The following DSCAM variants were observed in gnomAD, a reference collection of about 807,000 sequenced individuals.
The protein encoded by DSCAM is cell adhesion molecule DSCAM.
DSCAM carries 47 observed loss-of-function variants against 217.7 expected under a neutral mutation model. The observed-to-expected ratio is 0.22, with a 90% CI of 0.17 to 0.28. The LOEUF (loss-of-function observed/expected upper bound fraction) is 0.28. Among genes scored for constraint, DSCAM ranks in the 10% least tolerant of loss-of-function variants. The pLI is 1.00. For missense variants in DSCAM, 2,080 were observed against 2,618.3 expected (o/e 0.79, Z 4.49); for synonymous variants, 1,056 against 1,015.3 (o/e 1.04, Z -0.76).
chr21:40,796,178 C>T (rs112127745), intron 1 of DSCAM, among the ~76,000 whole-genome samples: 13 of 152,310 alleles, frequency 8.5e-5, no homozygotes, highest in African/African-American at 3.1e-4. Flanking sequence ...ACGCTGTGTG[C>T]AGAAGGAGTC....
chr21:40,818,110 A>G (rs905735453), intron 1 of DSCAM, among the ~76,000 whole-genome samples: 1 of 147,138 alleles, frequency 6.8e-6, no homozygotes, highest in Non-Finnish European at 1.5e-5. Context: ...CTCAAAAAAA[A>G]AAAAAAAAAA....
At chr21:40,683,018 A>G (rs1018396012) in intron 3 of DSCAM, among the ~76,000 whole-genome samples, 2 of 152,212 alleles carry the variant, frequency 1.3e-5, no homozygotes, top group Non-Finnish European at 2.9e-5. Context: ...AAAGTCAGTC[A>G]TGTAAGGACA....
At chr21:40,307,862 T>C (rs1206958881) in intron 9 of DSCAM, among the ~76,000 whole-genome samples, 1 of 147,488 alleles carries the variant, frequency 6.8e-6, no homozygotes, top group Non-Finnish European at 1.5e-5. Flanking sequence ...ATATTCTTAC[T>C]CATGGGTGGG....
At chr21:40,826,865 C>T (rs1270609347) in intron 1 of DSCAM, among the ~76,000 whole-genome samples, 1 of 152,106 alleles carries the variant, frequency 6.6e-6, no homozygotes, top group Non-Finnish European at 1.5e-5. Context: ...ATTTCAGGAT[C>T]TGGATTTGAG....
chr21:40,226,187 C>T (rs2091331375), intron 11 of DSCAM, among the ~76,000 whole-genome samples: 2 of 152,166 alleles, frequency 1.3e-5, no homozygotes, highest in Non-Finnish European at 1.5e-5. Flanking sequence ...CCCTCAGAAC[C>T]TGTGCTCTTG....
chr21:40,284,726 C>A (rs2073804058), intron 10 of DSCAM, among the ~76,000 whole-genome samples: 1 of 152,200 alleles, frequency 6.6e-6, no homozygotes, highest in African/African-American at 2.4e-5. Flanking sequence ...AAGGGCCGCG[C>A]AGTTTGTCCA....
intron 1 of DSCAM, among the ~76,000 whole-genome samples, chr21:40,724,168 C>T (rs1053886099): frequency 4.6e-5 from 7 of 152,302 alleles, no homozygotes; most frequent in Non-Finnish European, 7.4e-5. Context: ...TGGTTTACTA[C>T]GTTCCGGCAT....
At chr21:40,690,936 T>C (rs1238893459) in intron 3 of DSCAM, among the ~76,000 whole-genome samples, 2 of 151,834 alleles carry the variant, frequency 1.3e-5, no homozygotes, top group Non-Finnish European at 2.9e-5. Context: ...TACTTCGGGG[T>C]GGAGGGTGGG....
chr21:40,309,316 T>C (rs938829774), intron 9 of DSCAM, among the ~76,000 whole-genome samples: 2 of 152,174 alleles, frequency 1.3e-5, no homozygotes, highest in Non-Finnish European at 2.9e-5. Context: ...ACAATATCCA[T>C]CTTCCTAAAC....
intron 8 of DSCAM, among the ~76,000 whole-genome samples, chr21:40,313,429 T>C (rs1466598232): frequency 2.0e-5 from 3 of 152,336 alleles, no homozygotes; most frequent in South Asian, 4.1e-4. Flanking sequence ...CTTTGCTGAG[T>C]GATGCCTGTT....
intron 1 of DSCAM, among the ~76,000 whole-genome samples, chr21:40,773,299 T>C (rs1273471009): frequency 1.3e-5 from 2 of 152,240 alleles, no homozygotes; most frequent in Admixed American, 6.5e-5. Flanking sequence ...TAGGCAGTGT[T>C]AATTCCCATG....
chr21:40,031,728 C>A (rs143419986), intron 32 of DSCAM, among the ~76,000 whole-genome samples: 10 of 152,316 alleles, frequency 6.6e-5, no homozygotes, highest in African/African-American at 2.4e-4. Flanking sequence ...GGTAAGAAGA[C>A]AGCAAAGACC....
chr21:40,426,131 G>A (rs534000797), intron 3 of DSCAM, among the ~76,000 whole-genome samples: 3 of 152,318 alleles, frequency 2.0e-5, no homozygotes, highest in East Asian at 3.9e-4. Flanking sequence ...AGAAAAGACC[G>A]ACTCTGGACT....
chr21:40,416,126 A>G (rs1458586638), intron 3 of DSCAM, among the ~76,000 whole-genome samples: 3 of 152,010 alleles, frequency 2.0e-5, no homozygotes, highest in Non-Finnish European at 4.4e-5. Context: ...ACATGAGGGG[A>G]TCCCCTTTTT....
chr21:40,371,819 T>C (rs549028631), intron 3 of DSCAM, among the ~76,000 whole-genome samples: 2 of 152,274 alleles, frequency 1.3e-5, no homozygotes, highest in Admixed American at 6.5e-5. Flanking sequence ...CGTTTCATTA[T>C]TGGAACGCTA....
At chr21:40,030,141 C>G (rs2088491944) in intron 32 of DSCAM, among the ~76,000 whole-genome samples, 1 of 152,240 alleles carries the variant, frequency 6.6e-6, no homozygotes, top group African/African-American at 2.4e-5. Flanking sequence ...CACACACATT[C>G]TCACTGCACT....
At chr21:40,092,689 A>G (rs2089627013) in intron 21 of DSCAM, among the ~76,000 whole-genome samples, 1 of 152,202 alleles carries the variant, frequency 6.6e-6, no homozygotes, top group Non-Finnish European at 1.5e-5. Context: ...TTTTTTTGGT[A>G]AATCCCACAG....
At chr21:40,494,719 C>T (rs1415087385) in intron 3 of DSCAM, among the ~76,000 whole-genome samples, 1 of 150,788 alleles carries the variant, frequency 6.6e-6, no homozygotes, top group Admixed American at 6.6e-5. Flanking sequence ...GGAGAACAAA[C>T]TAAGCCCATA....
chr21:40,625,510 C>CTCCAGCCTT (rs1286541362), intron 3 of DSCAM, among the ~76,000 whole-genome samples: 1 of 152,100 alleles, frequency 6.6e-6, no homozygotes, highest in Non-Finnish European at 1.5e-5. Flanking sequence ...TCAGTGCCTT[C>CTCCAGCCTT]TCCAGCCTTT....
Sources: allele counts gnomAD v4.1 joint callset (sites outside exome capture counted in the v4.1 genomes callset), GRCh38; gene constraint gnomAD v4.1.1; transcripts MANE v1.5; gene names NCBI Gene and HGNC (gene_info 2026-07-23, HGNC 2026-07-21).